The following PCDHGA1 variants were observed in gnomAD, a reference collection of about 807,000 sequenced individuals.
The protein encoded by PCDHGA1 is protocadherin gamma-A1.
In PCDHGA1, 32 loss-of-function variants were observed where a neutral mutation model predicts 58.0. That is an observed-to-expected ratio of 0.55 (90% CI 0.42 to 0.74). The LOEUF is 0.74. Ranked by LOEUF, PCDHGA1 falls within the 30% of genes least tolerant of loss-of-function variation. PCDHGA1 has a pLI of 0.00. For missense variants in PCDHGA1, 1,205 were observed against 1,182.3 expected (o/e 1.02, Z -0.28); for synonymous variants, 498 against 501.1 (o/e 0.99, Z 0.08).
chr5:141,392,929 C>G, intron 1 of PCDHGA1: 2 of 1,613,888 alleles, frequency 1.2e-6, no homozygotes, highest in Non-Finnish European at 1.7e-6. Context: ...CCAGAAGAGA[C>G]GGACAAAGGC....
Position 141,357,072 on chromosome 5 carries a change from C to A in PCDHGA1, c.2421+23967C>A, listed in dbSNP as rs745612694. On this transcript the variant is annotated intron_variant, in intron 1 of 3. Coordinates refer to ENST00000517417, the MANE Select transcript of PCDHGA1 (RefSeq NM_018912.3). ...TATTTGCAGTGGGGCTGCACACAGG[C>A]GAGGTGCGCACCGCACGGGCCCTGC... 33 of 1,613,960 alleles carry A rather than the reference C, an allele frequency of 2.0e-5. 1 individual carries two copies. Among genetic ancestry groups the A allele is most frequent in the South Asian group, 1.8e-4 (16 of 91,092 alleles).
chr5:141,357,735 A>G, intron 1 of PCDHGA1: 2 of 1,327,896 alleles, frequency 1.5e-6, no homozygotes, highest in Non-Finnish European at 2.0e-6. Flanking sequence ...TTAATATTTT[A>G]TTGCTTTAAA....
At chr5:141,441,073 G>A (rs1591647632) in intron 1 of PCDHGA1, 1 of 152,152 alleles carries the variant, frequency 6.6e-6, no homozygotes, top group Non-Finnish European at 1.5e-5. Flanking sequence ...AATTTCCATG[G>A]TTTTGGTAGC....
chr5:141,505,322 G>A, intron 2 of PCDHGA1, 71 bp from the exon 3 acceptor site: 1 of 1,606,332 alleles, frequency 6.2e-7, no homozygotes, highest in African/African-American at 1.3e-5. Context: ...TGGGAGCCCT[G>A]GGAGAGGACA....
At chr5:141,430,689 T>A in intron 1 of PCDHGA1, 1 of 1,408,998 alleles carries the variant, frequency 7.1e-7, no homozygotes, top group Non-Finnish European at 9.4e-7. Flanking sequence ...TCCCATTCTA[T>A]GGGCGAAGGA....
chr5:141,421,291 G>C, intron 1 of PCDHGA1: 1 of 1,613,364 alleles, frequency 6.2e-7, no homozygotes, highest in Middle Eastern at 1.6e-4. Context: ...CATTTTCCTG[G>C]GGACGCTGCG....
chr5:141,403,241 G>C, intron 1 of PCDHGA1: 1 of 1,613,956 alleles, frequency 6.2e-7, no homozygotes. Flanking sequence ...GGAGCTCTGT[G>C]CTCAGAGCCC....
At chr5:141,413,570 A>C in intron 1 of PCDHGA1, 1 of 1,613,930 alleles carries the variant, frequency 6.2e-7, no homozygotes. Context: ...GATATCAATG[A>C]CAATGCTCCA....
intron 1 of PCDHGA1, chr5:141,357,208 G>A: frequency 1.2e-6 from 2 of 1,613,854 alleles, no homozygotes; most frequent in African/African-American, 1.3e-5. Flanking sequence ...CAGCATCCCA[G>A]ATGTCCTGGC....
chr5:141,430,967 G>A lies in PCDHGA1; in HGVS notation c.2422-63840G>A, dbSNP rs746992307. 5 of 1,613,256 alleles carry A rather than the reference G, an allele frequency of 3.1e-6. No individual in the cohort carries two copies. In the East Asian group the frequency reaches 6.7e-5, roughly 22 times the overall value. On this transcript the variant is annotated intron_variant, in intron 1 of 3. Coordinates refer to ENST00000517417, the MANE Select transcript of PCDHGA1 (RefSeq NM_018912.3). ...GCGCGGAGTCCGCATCATCCCCAGA[G>A]GTAGGACGCAGCTTTTCGCCCTGAA... is the stretch of plus-strand genomic sequence containing the variant.
chr5:141,330,949 A>G lies in PCDHGA1; in HGVS notation c.265A>G (p.Arg89Gly). Residue 89 changes from arginine to glycine, a missense_variant, in exon 1 of 4, where the codon AGG becomes GGG. By Grantham distance (125) the Arg-to-Gly change is moderately radical. Coordinates refer to ENST00000517417, the MANE Select transcript of PCDHGA1 (RefSeq NM_018912.3). ...AAGTGGCAGCTTGATCACCGCGCGC[A>G]GGATAGACCGGGAGGAGCTCTGCGC... Reference protein sequence around the residue: ...PRSGSLITARRIDREELCAQS... With the variant: ...PRSGSLITARGIDREELCAQS... 6.2e-7 allele frequency: 1 copy of G among 1,614,236 alleles called. No homozygotes were observed. Among genetic ancestry groups the G allele is most frequent in the Non-Finnish European group, 8.5e-7 (1 of 1,180,038 alleles).
At chr5:141,393,088 G>A in intron 1 of PCDHGA1, 3 of 1,613,648 alleles carry the variant, frequency 1.9e-6, no homozygotes, top group Non-Finnish European at 2.5e-6. Context: ...AGGATAGATC[G>A]GGAGGAGCTC....
intron 1 of PCDHGA1, chr5:141,361,095 A>T (rs1309829041): frequency 1.9e-6 from 3 of 1,613,896 alleles, no homozygotes; most frequent in Non-Finnish European, 2.5e-6. Context: ...TGAGTATCGA[A>T]GCAAAAGATC....
chr5:141,347,994 C>G (rs937377078), intron 1 of PCDHGA1, among the ~76,000 whole-genome samples: 1 of 152,194 alleles, frequency 6.6e-6, no homozygotes, highest in Non-Finnish European at 1.5e-5. Context: ...AGGAATATGT[C>G]TCAGCCTCTG....
At chr5:141,495,073 C>T (rs1464039604) in intron 2 of PCDHGA1, among the ~76,000 whole-genome samples, 1 of 152,186 alleles carries the variant, frequency 6.6e-6, no homozygotes, top group Non-Finnish European at 1.5e-5. Flanking sequence ...GCTCAATTCA[C>T]ATGCTTGCCC....
intron 1 of PCDHGA1, among the ~76,000 whole-genome samples, chr5:141,455,519 G>T (rs1439363688): frequency 1.3e-5 from 2 of 152,158 alleles, no homozygotes; most frequent in East Asian, 3.9e-4. Flanking sequence ...TCAGGGGATT[G>T]GTTTGACCAG....
intron 1 of PCDHGA1, chr5:141,392,857 T>C: frequency 5.0e-6 from 8 of 1,612,536 alleles, no homozygotes; most frequent in Non-Finnish European, 6.8e-6. Flanking sequence ...GAGCTGATCC[T>C]GCTGTGCGCG....
chr5:141,346,350 C>T lies in PCDHGA1; in HGVS notation c.2421+13245C>T, dbSNP rs539711882. 31 of 1,614,232 alleles carry T rather than the reference C, an allele frequency of 1.9e-5. No homozygotes were observed. The African/African-American group carries it at 3.6e-4, about 19-fold the overall frequency. On this transcript the variant is annotated intron_variant, in intron 1 of 3. Coordinates refer to ENST00000517417, the MANE Select transcript of PCDHGA1 (RefSeq NM_018912.3). ...GAAGAGCCACCTGATTTTCCCCCAGCCCAACTATGCGGACACGCTCATCAG... is the reference window on the plus strand; with the variant it reads ...GAAGAGCCACCTGATTTTCCCCCAGTCCAACTATGCGGACACGCTCATCAG...
intron 1 of PCDHGA1, chr5:141,409,291 A>G: frequency 6.2e-7 from 1 of 1,614,000 alleles, no homozygotes; most frequent in Non-Finnish European, 8.5e-7. Context: ...CACCTCCAGG[A>G]ATGGTTGTTG....
Sources: gnomAD v4.1 joint callset for allele counts (sites outside exome capture counted in the v4.1 genomes callset) on GRCh38, gnomAD v4.1.1 for gene constraint, MANE v1.5 for transcripts, NCBI Gene and HGNC (gene_info 2026-07-23, HGNC 2026-07-21) for gene names.